The following FAM120A variants were observed in gnomAD, a reference collection of about 807,000 sequenced individuals.
The protein encoded by FAM120A is family with sequence similarity 120 member A.
In FAM120A, 15 loss-of-function variants were observed where a neutral mutation model predicts 109.7. That is an observed-to-expected ratio of 0.14 (90% CI 0.09 to 0.21). The LOEUF (loss-of-function observed/expected upper bound fraction) is 0.21, where lower values mean the gene tolerates loss of function less well. FAM120A is among the 10% of genes least tolerant of loss of function. The probability of loss-of-function intolerance (pLI) is 1.00; values close to 1 mark genes in which losing one functional copy is unlikely to be tolerated. For missense variants in FAM120A, 899 were observed against 1,439.3 expected, an observed-to-expected ratio of 0.62 and a Z score of 6.07; for synonymous variants, 493 against 572.8, an observed-to-expected ratio of 0.86 and a Z score of 1.99.
intron 2 of FAM120A, among the ~76,000 whole-genome samples, chr9:93,474,342 C>T (rs571532514): frequency 5.9e-5 from 9 of 152,012 alleles, no homozygotes; most frequent in African/African-American, 1.2e-4. Flanking sequence ...TGTGTGCCAC[C>T]GCACCTGGCT....
intron 3 of FAM120A, 39 bp downstream of exon 3, chr9:93,476,377 TC>T (rs1343406196): frequency 7.4e-7 from 1 of 1,347,338 alleles, no homozygotes. Flanking sequence ...TTTGTAATAA[TC>T]AACTGTGAGT....
At chr9:93,502,031 C>T (rs6479491) in intron 5 of FAM120A, among the ~76,000 whole-genome samples, 136,967 of 152,212 alleles carry the variant, frequency 0.9, 61,691 homozygotes, top group East Asian at 1. Flanking sequence ...GTATTTTCCA[C>T]AGAAATATTT....
At chr9:93,554,043 CATTA>C (rs1398750044) in intron 12 of FAM120A, among the ~76,000 whole-genome samples, 1 of 150,044 alleles carries the variant, frequency 6.7e-6, no homozygotes, top group African/African-American at 2.5e-5. Context: ...CTAATTGAAC[CATTA>C]ATTATCTTGA....
intron 10 of FAM120A, among the ~76,000 whole-genome samples, chr9:93,536,223 G>A (rs141842715): frequency 1.5e-4 from 23 of 152,282 alleles, no homozygotes; most frequent in Non-Finnish European, 2.1e-4. Context: ...AATTATTGGC[G>A]TACTGGAAGA....
intron 16 of FAM120A, 142 bp downstream of exon 16, chr9:93,561,392 G>GT: frequency 1.2e-6 from 1 of 801,576 alleles, no homozygotes; most frequent in Non-Finnish European, 1.9e-6. Flanking sequence ...TAATTATTTA[G>GT]TTTTTATTTA....
intron 1 of FAM120A, among the ~76,000 whole-genome samples, chr9:93,458,741 A>G (rs954228169): frequency 6.6e-6 from 1 of 152,212 alleles, no homozygotes; most frequent in Non-Finnish European, 1.5e-5. Flanking sequence ...TACTGTGGGT[A>G]GCAGTAAGAA....
intron 7 of FAM120A, among the ~76,000 whole-genome samples, chr9:93,517,185 C>T (rs190522310): frequency 6.6e-6 from 1 of 152,344 alleles, no homozygotes; most frequent in East Asian, 1.9e-4. Context: ...GAAGGACTCT[C>T]TGCCATCCAG....
intron 10 of FAM120A, among the ~76,000 whole-genome samples, chr9:93,542,287 G>A (rs1217501057): frequency 6.6e-6 from 1 of 152,208 alleles, no homozygotes; most frequent in Non-Finnish European, 1.5e-5. Context: ...TTCAACTAAA[G>A]TGAACCACTT....
chr9:93,466,858 T>TA (rs1235303783), intron 1 of FAM120A, among the ~76,000 whole-genome samples: 2 of 152,204 alleles, frequency 1.3e-5, no homozygotes, highest in Admixed American at 6.5e-5. Flanking sequence ...ACCTGGCTCA[T>TA]ACGGCATTTG....
intron 5 of FAM120A, among the ~76,000 whole-genome samples, chr9:93,501,154 T>G (rs543779644): frequency 6.6e-6 from 1 of 152,166 alleles, no homozygotes; most frequent in Admixed American, 6.5e-5. Flanking sequence ...TTCACTGACA[T>G]TGTGCTCCTG....
chr9:93,516,350 G>A (rs1251146275), intron 7 of FAM120A, 81 bp downstream of exon 7: 2 of 1,575,084 alleles, frequency 1.3e-6, no homozygotes, highest in African/African-American at 2.7e-5. Context: ...CAGCCCAGCT[G>A]GTGTTTTGCT....
intron 3 of FAM120A, among the ~76,000 whole-genome samples, chr9:93,481,180 C>T (rs981795255): frequency 2.0e-5 from 3 of 152,254 alleles, no homozygotes; most frequent in African/African-American, 7.2e-5. Context: ...GCAGTCCACC[C>T]TGGGCAGGGC....
chr9:93,535,651 T>C (rs934434707), intron 10 of FAM120A, among the ~76,000 whole-genome samples: 1 of 152,190 alleles, frequency 6.6e-6, no homozygotes, highest in African/African-American at 2.4e-5. Flanking sequence ...GCTGATAAAA[T>C]TGAACTTGTT....
intron 3 of FAM120A, among the ~76,000 whole-genome samples, chr9:93,481,031 G>A (rs1858778409): frequency 6.6e-6 from 1 of 152,220 alleles, no homozygotes; most frequent in African/African-American, 2.4e-5. Flanking sequence ...CCCTTCAGGT[G>A]GTGCCCCCAT....
At chr9:93,455,731 C>T (rs1185359336) in intron 1 of FAM120A, among the ~76,000 whole-genome samples, 6 of 151,718 alleles carry the variant, frequency 4.0e-5, no homozygotes, top group Non-Finnish European at 5.9e-5. Context: ...GGCGCGATCT[C>T]GGCTCACTGC....
intron 3 of FAM120A, among the ~76,000 whole-genome samples, chr9:93,495,940 C>T (rs1424548199): frequency 1.3e-5 from 2 of 152,228 alleles, no homozygotes; most frequent in East Asian, 3.8e-4. Flanking sequence ...AGCTTATGTC[C>T]TATTCTAAAT....
intron 7 of FAM120A, among the ~76,000 whole-genome samples, chr9:93,526,142 C>T (rs1028042866): frequency 1.3e-5 from 2 of 152,124 alleles, no homozygotes; most frequent in Non-Finnish European, 2.9e-5. Context: ...ACCTTATAGT[C>T]GAAGGGTGAG....
At chr9:93,517,153 T>G (rs113206181) in intron 7 of FAM120A, among the ~76,000 whole-genome samples, 5,828 of 152,318 alleles carry the variant, frequency 0.038, 157 homozygotes, top group Non-Finnish European at 0.06. Context: ...TAAATGTCTG[T>G]TGACCCAGGG....
At chr9:93,556,234 G>A in intron 12 of FAM120A, 148 bp from the exon 13 acceptor site, 1 of 623,796 alleles carries the variant, frequency 1.6e-6, no homozygotes, top group Non-Finnish European at 2.8e-6. Context: ...GCCAGTGTTA[G>A]GTCAATATAA....
Sources: gnomAD v4.1 joint callset for allele counts (sites outside exome capture counted in the v4.1 genomes callset) on GRCh38, gnomAD v4.1.1 for gene constraint, MANE v1.5 for transcripts, NCBI Gene and HGNC (gene_info 2026-07-23, HGNC 2026-07-21) for gene names.